The following POMP variants were observed in gnomAD, a reference collection of about 807,000 sequenced individuals.
POMP encodes 2510048O06Rik.
A neutral mutation model predicts 20.6 loss-of-function variants in POMP; 12 were observed. The observed-to-expected ratio is 0.58, with a 90% CI of 0.37 to 0.94. The LOEUF (loss-of-function observed/expected upper bound fraction) is 0.94. POMP is among the 40% of genes least tolerant of loss of function. POMP has a pLI of 0.01. For synonymous variants in POMP, 53 were observed against 55.0 expected (o/e 0.96, Z 0.16); for missense variants, 136 against 161.1 (o/e 0.84, Z 0.84).
intron 4 of POMP, among the ~76,000 whole-genome samples, chr13:28,671,706 A>G (rs2137797563): frequency 6.6e-6 from 1 of 152,108 alleles, no homozygotes; most frequent in South Asian, 2.1e-4. Context: ...TCTCTATGGA[A>G]CATTAGTAAT....
intron 5 of POMP, among the ~76,000 whole-genome samples, chr13:28,675,284 G>A (rs139705861): frequency 6.6e-6 from 1 of 152,138 alleles, no homozygotes; most frequent in African/African-American, 2.4e-5. Flanking sequence ...GGGATTACAG[G>A]TGCCCACGAC....
At chr13:28,675,946 C>T (rs984271028) in intron 5 of POMP, among the ~76,000 whole-genome samples, 4 of 152,086 alleles carry the variant, frequency 2.6e-5, no homozygotes, top group Non-Finnish European at 4.4e-5. Context: ...GGTGCTAGAC[C>T]ATCCATGAAG....
intron 3 of POMP, among the ~76,000 whole-genome samples, chr13:28,666,396 A>G (rs1427269064): frequency 6.6e-6 from 1 of 152,246 alleles, no homozygotes; most frequent in Non-Finnish European, 1.5e-5. Context: ...TAGATTTGGA[A>G]TATTGGTTTA....
At chr13:28,663,070 C>A (rs1056138746) in intron 2 of POMP, among the ~76,000 whole-genome samples, 1 of 152,148 alleles carries the variant, frequency 6.6e-6, no homozygotes, top group African/African-American at 2.4e-5. Flanking sequence ...TAGAAGCACT[C>A]AGTATGTATT....
intron 1 of POMP, 115 bp downstream of exon 1, chr13:28,659,302 G>A (rs964242884): frequency 2.0e-6 from 3 of 1,487,012 alleles, no homozygotes; most frequent in South Asian, 1.2e-5. Flanking sequence ...GCAGCGTGGG[G>A]CTGAGGCCGG....
At chr13:28,659,215 T>A (rs1884287886) in intron 1 of POMP, 28 bp downstream of exon 1, 2 of 1,582,966 alleles carry the variant, frequency 1.3e-6, no homozygotes, top group Non-Finnish European at 1.7e-6. Flanking sequence ...CGGCTGGAGT[T>A]CCACGCGGGC....
intron 2 of POMP, among the ~76,000 whole-genome samples, 171 bp downstream of exon 2, chr13:28,662,678 GGTGTCTCATCAAA>G (rs1884367253): frequency 1.3e-5 from 2 of 152,320 alleles, no homozygotes; most frequent in Admixed American, 1.3e-4. Flanking sequence ...TAGTGGAAGA[GGTGTCTCATCAAA>G]GTAGTAGGTT....
At chr13:28,675,929 G>C (rs987601821) in intron 5 of POMP, among the ~76,000 whole-genome samples, 3 of 152,068 alleles carry the variant, frequency 2.0e-5, no homozygotes. Flanking sequence ...TCACTTATCC[G>C]GGGGGTGGTG....
chr13:28,671,425 A>C (rs897204042), intron 4 of POMP, among the ~76,000 whole-genome samples: 1 of 150,570 alleles, frequency 6.6e-6, no homozygotes, highest in Non-Finnish European at 1.5e-5. Flanking sequence ...TTTGATCCAA[A>C]TATCTTTGCC....
rs1217505032 is a variant in POMP at position 28,659,140 on chromosome 13, A to G, written c.-45A>G. On this transcript the variant is annotated 5_prime_UTR_variant, in exon 1 of 6. Coordinates refer to ENST00000380842, the MANE Select transcript of POMP (RefSeq NM_015932.6). ...GAAACGGAAGTGAGCGGCGGGGTCG[A>G]CTGACGGTAACGGGGCAGAGAGGCT... The G allele has an allele frequency of 1.9e-6, 3 of 1,569,980 alleles. No homozygotes were observed. The highest frequency in any genetic ancestry group is 2.7e-5 in the African/African-American group (2 of 73,604).
chr13:28,664,419 A>T, intron 2 of POMP, 90 bp from the exon 3 acceptor site: 4 of 862,648 alleles, frequency 4.6e-6, no homozygotes, highest in Non-Finnish European at 7.4e-6. Context: ...AAACTCTCTC[A>T]TGCCATCCCT....
At chr13:28,660,821 G>C (rs561901663) in intron 1 of POMP, among the ~76,000 whole-genome samples, 198 of 152,254 alleles carry the variant, frequency 1.3e-3, no homozygotes, top group African/African-American at 4.3e-3. Flanking sequence ...AACCAACAAA[G>C]ATTTTATAGC....
chr13:28,661,034 T>A (rs1566106110), intron 1 of POMP, among the ~76,000 whole-genome samples: 1 of 152,158 alleles, frequency 6.6e-6, no homozygotes, highest in African/African-American at 2.4e-5. Context: ...AATTAAGAAA[T>A]CAGTTAAAAA....
chr13:28,677,265 T>G (rs2137801533), intron 5 of POMP, among the ~76,000 whole-genome samples: 1 of 152,262 alleles, frequency 6.6e-6, no homozygotes, highest in Non-Finnish European at 1.5e-5. Context: ...TAATCTCCAG[T>G]CTCTTAGGAG....
intron 1 of POMP, among the ~76,000 whole-genome samples, 162 bp from the exon 2 acceptor site, chr13:28,662,248 A>C (rs1373084967): frequency 2.0e-5 from 3 of 152,184 alleles, no homozygotes; most frequent in Admixed American, 2.0e-4. Flanking sequence ...GTGTGTCTCT[A>C]TCATATCATA....
chr13:28,668,049 T>C (rs915477335), intron 3 of POMP, among the ~76,000 whole-genome samples: 5 of 152,236 alleles, frequency 3.3e-5, no homozygotes, highest in African/African-American at 1.2e-4. Context: ...ATTATTTCTT[T>C]TGCTGAATCC....
intron 4 of POMP, among the ~76,000 whole-genome samples, chr13:28,670,406 T>C (rs892343014): frequency 1.3e-5 from 2 of 152,188 alleles, no homozygotes; most frequent in African/African-American, 2.4e-5. Context: ...CTCCCCACCA[T>C]TGCTACTATG....
At chr13:28,676,354 T>C (rs1223989382) in intron 5 of POMP, among the ~76,000 whole-genome samples, 4 of 152,156 alleles carry the variant, frequency 2.6e-5, no homozygotes, top group African/African-American at 9.7e-5. Context: ...ATCCAAACCA[T>C]ATCAACTACC....
chr13:28,677,946 G>T, intron 5 of POMP, 89 bp from the exon 6 acceptor site: 1 of 1,366,276 alleles, frequency 7.3e-7, no homozygotes, highest in African/African-American at 1.4e-5. Flanking sequence ...GGTTAGTTTT[G>T]ACTCTTCTGG....
Sources: allele counts gnomAD v4.1 joint callset (sites outside exome capture counted in the v4.1 genomes callset), GRCh38; gene constraint gnomAD v4.1.1; transcripts MANE v1.5; gene names NCBI Gene and HGNC (gene_info 2026-07-23, HGNC 2026-07-21).